Variants in ZNF565 observed in about 807,000 individuals in gnomAD.
ZNF565 encodes the protein zinc finger protein 565.
Under a neutral mutation model 39.4 loss-of-function variants are expected in ZNF565, and 27 were observed. The ratio of observed to expected loss-of-function variants is 0.69; its 90% CI spans 0.51 to 0.95. The LOEUF is 0.95. ZNF565 is among the 40% of genes least tolerant of loss of function. The pLI is 0.00. For synonymous variants in ZNF565, 185 were observed against 216.6 expected (o/e 0.85, Z 1.28); for missense variants, 524 against 621.1 (o/e 0.84, Z 1.66).
chr19:36,222,404 C>T (rs555121411), intron 1 of ZNF565, among the ~76,000 whole-genome samples: 18 of 152,196 alleles, frequency 1.2e-4, no homozygotes, highest in Non-Finnish European at 2.5e-4. Flanking sequence ...TTTTTATGTG[C>T]GCCATTTTAT....
intron 1 of ZNF565, among the ~76,000 whole-genome samples, chr19:36,230,152 A>C (rs1977263735): frequency 6.6e-6 from 1 of 152,240 alleles, no homozygotes; most frequent in African/African-American, 2.4e-5. Flanking sequence ...CATAGCATTT[A>C]CTTTTTAAGT....
chr19:36,219,482 G>A (rs996442825), upstream of ZNF565, among the ~76,000 whole-genome samples: 8 of 151,990 alleles, frequency 5.3e-5, no homozygotes, highest in Non-Finnish European at 1.2e-4. Context: ...ACTTTTGCAT[G>A]GTTCTAATTC....
chr19:36,189,804 A>T (rs1347097124), intron 4 of ZNF565, among the ~76,000 whole-genome samples: 1 of 152,046 alleles, frequency 6.6e-6, no homozygotes, highest in Non-Finnish European at 1.5e-5. Flanking sequence ...GTAGAGTCGT[A>T]CCCATAAAGT....
At chr19:36,217,800 G>A (rs1200720387), upstream of ZNF565, among the ~76,000 whole-genome samples, 2 of 151,512 alleles carry the variant, frequency 1.3e-5, no homozygotes, top group Non-Finnish European at 1.5e-5. Flanking sequence ...CAAGATAATT[G>A]CTTGAACCCG....
At chr19:36,211,327 C>T (rs1479920269) in intron 1 of ZNF565, among the ~76,000 whole-genome samples, 1 of 151,812 alleles carries the variant, frequency 6.6e-6, no homozygotes, top group African/African-American at 2.4e-5. Context: ...CCTGTAATCC[C>T]AGAAACTTGG....
intron 1 of ZNF565, among the ~76,000 whole-genome samples, chr19:36,221,284 CTTTTT>C (rs74172797): frequency 4.1e-5 from 4 of 98,700 alleles, no homozygotes; most frequent in African/African-American, 1.7e-4. Context: ...TAAGGGACTG[CTTTTT>C]TTTTTTTTTT....
chr19:36,219,369 T>A (rs181567266), upstream of ZNF565, among the ~76,000 whole-genome samples: 33 of 152,276 alleles, frequency 2.2e-4, no homozygotes, highest in African/African-American at 7.2e-4. Context: ...CTTACTATGT[T>A]GCCCAGGCTG....
chr19:36,190,144 T>C (rs116458852), intron 4 of ZNF565, among the ~76,000 whole-genome samples: 3,085 of 152,166 alleles, frequency 0.02, 60 homozygotes, highest in African/African-American at 0.06. Context: ...ACATTGTTAA[T>C]TTATGCATAT....
chr19:36,224,809 G>A (rs898611359), intron 1 of ZNF565, among the ~76,000 whole-genome samples: 8 of 152,130 alleles, frequency 5.3e-5, no homozygotes, highest in African/African-American at 1.9e-4. Context: ...ACGTATTCTC[G>A]TTTCTTTTTG....
At chr19:36,216,008 G>T (rs182862232), upstream of ZNF565, among the ~76,000 whole-genome samples, 4 of 152,240 alleles carry the variant, frequency 2.6e-5, no homozygotes, top group East Asian at 3.9e-4. Flanking sequence ...TGCTACTGAC[G>T]TCTCCAAAGA....
chr19:36,221,411 C>A (rs1370026475), intron 1 of ZNF565, among the ~76,000 whole-genome samples: 1 of 151,200 alleles, frequency 6.6e-6, no homozygotes, highest in Non-Finnish European at 1.5e-5. Flanking sequence ...GCCTCAGCCT[C>A]CCGAGTAGCT....
intron 1 of ZNF565, among the ~76,000 whole-genome samples, chr19:36,229,640 A>G (rs1033142441): frequency 3.3e-5 from 5 of 152,202 alleles, no homozygotes; most frequent in Admixed American, 2.6e-4. Flanking sequence ...TTTCCTTTTC[A>G]TATAAATGGT....
chr19:36,217,306 G>T (rs1446609149), upstream of ZNF565, among the ~76,000 whole-genome samples: 1 of 151,510 alleles, frequency 6.6e-6, no homozygotes, highest in Non-Finnish European at 1.5e-5. Flanking sequence ...CAAGTGATCG[G>T]CCCGCCTCGG....
At chr19:36,205,496 C>A (rs1976119658) in intron 1 of ZNF565, among the ~76,000 whole-genome samples, 1 of 152,044 alleles carries the variant, frequency 6.6e-6, no homozygotes. Context: ...CCATTGCACT[C>A]CAGCCTGGGG....
Position 36,245,640 on chromosome 19 carries a change from G to A in ZNF565, c.-110C>T. Reference sequence around the variant, plus strand: ...GAGGCTACCACCTGCCCGAATTGGTGCTTTGGCAGAGTCTCTGGTGCCCGG... The same window carrying A: ...GAGGCTACCACCTGCCCGAATTGGTACTTTGGCAGAGTCTCTGGTGCCCGG... On this transcript the variant is annotated 5_prime_UTR_variant, in exon 1 of 5. Coordinates refer to the ZNF565 transcript ENST00000355114. This position sits in a 1 kb window ranked among gnomAD's most constrained non-coding sequence, Gnocchi z 4.4. The A allele has an allele frequency of 2.9e-6, 2 of 694,396 alleles. No individual in the cohort carries two copies. The highest frequency in any genetic ancestry group is 5.3e-6 in the Non-Finnish European group (2 of 379,916). 43.0% of individuals were successfully genotyped at this position (694,396 alleles called of 1,614,324 possible).
intron 1 of ZNF565, among the ~76,000 whole-genome samples, chr19:36,221,450 G>A (rs987790402): frequency 3.3e-5 from 5 of 151,684 alleles, no homozygotes; most frequent in Non-Finnish European, 5.9e-5. Context: ...CACCACGCCC[G>A]GCTAATTTTT....
intron 1 of ZNF565, among the ~76,000 whole-genome samples, chr19:36,209,161 T>C (rs1053916073): frequency 6.6e-6 from 1 of 152,194 alleles, no homozygotes; most frequent in African/African-American, 2.4e-5. Context: ...TTCTTTGTTA[T>C]GTTTATTTAA....
At chr19:36,226,862 G>T (rs1977089049) in intron 1 of ZNF565, among the ~76,000 whole-genome samples, 1 of 152,098 alleles carries the variant, frequency 6.6e-6, no homozygotes. Context: ...AAGGCAGGTG[G>T]ATCACCTGTG....
intron 1 of ZNF565, among the ~76,000 whole-genome samples, chr19:36,221,784 T>C (rs569230003): frequency 1.3e-5 from 2 of 152,050 alleles, no homozygotes; most frequent in Non-Finnish European, 2.9e-5. Context: ...GTTTTTTGTT[T>C]TTTGTTCTGT....
Sources: allele counts gnomAD v4.1 joint callset (sites outside exome capture counted in the v4.1 genomes callset), GRCh38; gene constraint gnomAD v4.1.1; non-coding constraint Gnocchi (gnomAD v3.1); transcripts MANE v1.5; gene names NCBI Gene and HGNC (gene_info 2026-07-23, HGNC 2026-07-21).